Variants in SETD3 observed in about 807,000 individuals in gnomAD.
SETD3 encodes the protein actin-histidine N-methyltransferase.
SETD3 carries 19 observed loss-of-function variants against 63.0 expected under a neutral mutation model. That is an observed-to-expected ratio of 0.30 (90% CI 0.21 to 0.44). The LOEUF (loss-of-function observed/expected upper bound fraction) is 0.44, where lower values mean the gene tolerates loss of function less well. SETD3 is among the 20% of genes least tolerant of loss of function. The pLI is 1.00. For synonymous variants in SETD3, 286 were observed against 264.1 expected, an observed-to-expected ratio of 1.08 and a Z score of -0.80; for missense variants, 587 against 728.5, an observed-to-expected ratio of 0.81 and a Z score of 2.24.
chr14:99,402,096 G>C (rs948437300), intron 11 of SETD3, among the ~76,000 whole-genome samples: 3 of 152,140 alleles, frequency 2.0e-5, no homozygotes, highest in African/African-American at 4.8e-5. Context: ...ACAGAGCCCA[G>C]TGCCCTCCAC....
At chr14:99,449,202 A>G (rs1313136757) in intron 6 of SETD3, among the ~76,000 whole-genome samples, 2 of 152,226 alleles carry the variant, frequency 1.3e-5, no homozygotes, top group African/African-American at 2.4e-5. Flanking sequence ...GAAAATCACC[A>G]CTTGGCAAAC....
intron 11 of SETD3, among the ~76,000 whole-genome samples, chr14:99,402,217 C>T (rs1383183807): frequency 6.6e-6 from 1 of 152,206 alleles, no homozygotes; most frequent in Non-Finnish European, 1.5e-5. Flanking sequence ...CACAGTTTAA[C>T]TTGAATGCCA....
At chr14:99,448,101 G>C (rs561174043) in intron 6 of SETD3, among the ~76,000 whole-genome samples, 1 of 152,338 alleles carries the variant, frequency 6.6e-6, no homozygotes, top group South Asian at 2.1e-4. Flanking sequence ...GTGAGCCCCT[G>C]TGGCTAGGAG....
intron 6 of SETD3, among the ~76,000 whole-genome samples, chr14:99,455,118 T>C (rs1238675128): frequency 6.6e-6 from 1 of 152,268 alleles, no homozygotes; most frequent in Non-Finnish European, 1.5e-5. Flanking sequence ...ACAAAGCATG[T>C]GCTCTTTCCA....
intron 8 of SETD3, 146 bp from the exon 9 acceptor site, chr14:99,406,736 C>A (rs1891703368): frequency 2.1e-5 from 15 of 705,666 alleles, no homozygotes; most frequent in Non-Finnish European, 1.7e-5. Context: ...GAAAATGGGG[C>A]AAAGAACTGC....
chr14:99,403,455 A>ACACACTCT (rs1416541957), intron 11 of SETD3, among the ~76,000 whole-genome samples: 2 of 135,456 alleles, frequency 1.5e-5, no homozygotes, highest in South Asian at 2.3e-4. Context: ...ACACACACAC[A>ACACACTCT]CTCTCTCTCT....
At chr14:99,441,869 A>G (rs1471656701) in intron 6 of SETD3, among the ~76,000 whole-genome samples, 3 of 152,200 alleles carry the variant, frequency 2.0e-5, no homozygotes, top group African/African-American at 7.2e-5. Context: ...GTGGAGCTAC[A>G]TTGAGGAGGT....
At chr14:99,484,755 G>C (rs1896442737), upstream of SETD3, among the ~76,000 whole-genome samples, 1 of 152,214 alleles carries the variant, frequency 6.6e-6, no homozygotes, top group South Asian at 2.1e-4. Flanking sequence ...AGGTTTCATT[G>C]ATAAGTGGCC....
chr14:99,408,210 T>C (rs1168057114), intron 8 of SETD3, among the ~76,000 whole-genome samples: 2 of 152,346 alleles, frequency 1.3e-5, no homozygotes, highest in East Asian at 1.9e-4. Context: ...AGAATAAATA[T>C]GGTTTATTAA....
chr14:99,413,372 A>AC (rs1892112661), intron 7 of SETD3: 3 of 297,426 alleles, frequency 1.0e-5, no homozygotes, highest in East Asian at 1.4e-4. Context: ...ACTCCCCGAC[A>AC]CCCCCCAACC....
At chr14:99,425,014 C>T (rs1595180236) in intron 6 of SETD3, among the ~76,000 whole-genome samples, 1 of 151,988 alleles carries the variant, frequency 6.6e-6, no homozygotes, top group African/African-American at 2.4e-5. Context: ...CACGGGGCTT[C>T]GGAGGGTGCC....
intron 1 of SETD3, among the ~76,000 whole-genome samples, chr14:99,466,891 G>A (rs1320538143): frequency 2.6e-5 from 4 of 152,224 alleles, no homozygotes; most frequent in Non-Finnish European, 5.9e-5. Flanking sequence ...CCACGAGGAT[G>A]GCCTCCAGGA....
At chr14:99,441,122 G>C (rs973260410) in intron 6 of SETD3, among the ~76,000 whole-genome samples, 1 of 152,238 alleles carries the variant, frequency 6.6e-6, no homozygotes, top group Non-Finnish European at 1.5e-5. Context: ...GGACAAAAGT[G>C]TCTAACAGGG....
chr14:99,430,549 T>C (rs1399482184), intron 6 of SETD3, among the ~76,000 whole-genome samples: 1 of 152,242 alleles, frequency 6.6e-6, no homozygotes, highest in African/African-American at 2.4e-5. Context: ...TAATACACCT[T>C]TTGACCTGAC....
chr14:99,426,243 C>T (rs947730624), intron 6 of SETD3, among the ~76,000 whole-genome samples: 5 of 152,248 alleles, frequency 3.3e-5, no homozygotes, highest in African/African-American at 1.2e-4. Flanking sequence ...TACCACGTAG[C>T]ACTCTGGTTT....
chr14:99,413,348 G>C, intron 7 of SETD3: 1 of 331,122 alleles, frequency 3.0e-6, no homozygotes, highest in Non-Finnish European at 5.5e-6. Flanking sequence ...GGATCTTCGT[G>C]ACTCACAAAA....
intron 6 of SETD3, among the ~76,000 whole-genome samples, chr14:99,419,908 T>C (rs974599523): frequency 6.6e-5 from 10 of 152,232 alleles, no homozygotes; most frequent in African/African-American, 1.2e-4. Flanking sequence ...CAAATATTTA[T>C]TGACTTAGAA....
At chr14:99,473,595 G>C (rs72704581) in intron 1 of SETD3, among the ~76,000 whole-genome samples, 1 of 152,176 alleles carries the variant, frequency 6.6e-6, no homozygotes, top group Non-Finnish European at 1.5e-5. Flanking sequence ...CAGCTGGGTT[G>C]ACTAAGGGAG....
intron 9 of SETD3, among the ~76,000 whole-genome samples, chr14:99,406,067 A>G (rs1032569704): frequency 1.3e-5 from 2 of 152,210 alleles, no homozygotes; most frequent in African/African-American, 2.4e-5. Flanking sequence ...CCAAACTACT[A>G]GATTAAAAAA....
Sources: allele counts gnomAD v4.1 joint callset (sites outside exome capture counted in the v4.1 genomes callset), GRCh38; gene constraint gnomAD v4.1.1; transcripts MANE v1.5; gene names NCBI Gene and HGNC (gene_info 2026-07-23, HGNC 2026-07-21).